AGBL4: variants seen among roughly 807,000 people sequenced by gnomAD.
The protein encoded by AGBL4 is cytosolic carboxypeptidase 6.
AGBL4 carries 58 observed loss-of-function variants against 66.4 expected under a neutral mutation model. The ratio of observed to expected loss-of-function variants is 0.87; its 90% CI spans 0.71 to 1.09. The LOEUF (loss-of-function observed/expected upper bound fraction) is 1.09. Ranked by LOEUF, AGBL4 falls within the 50% of genes least tolerant of loss-of-function variation. The pLI is 0.00. For missense variants in AGBL4, 579 were observed against 631.0 expected, an observed-to-expected ratio of 0.92 and a Z score of 0.88; for synonymous variants, 234 against 222.9, an observed-to-expected ratio of 1.05 and a Z score of -0.44.
chr1:49,661,089 A>C (rs953499369), intron 3 of AGBL4, among the ~76,000 whole-genome samples: 29 of 152,202 alleles, frequency 1.9e-4, no homozygotes, highest in African/African-American at 7.0e-4. Flanking sequence ...CATATCCTGC[A>C]CATGTACCCC....
At chr1:49,905,938 C>T (rs1047233821) in intron 1 of AGBL4, among the ~76,000 whole-genome samples, 4 of 152,026 alleles carry the variant, frequency 2.6e-5, no homozygotes, top group Admixed American at 2.6e-4. Flanking sequence ...TCCCTACTCT[C>T]TCCCTTAGTA....
intron 3 of AGBL4, among the ~76,000 whole-genome samples, chr1:49,609,516 C>A (rs1054033232): frequency 1.3e-5 from 2 of 152,080 alleles, no homozygotes; most frequent in African/African-American, 4.8e-5. Context: ...TATGGTACAA[C>A]AGAAAAAGAA....
chr1:48,966,541 T>A (rs1384572140), intron 5 of AGBL4, among the ~76,000 whole-genome samples: 1 of 152,120 alleles, frequency 6.6e-6, no homozygotes, highest in Non-Finnish European at 1.5e-5. Flanking sequence ...AGATTGGATT[T>A]CTCCAAAAGA....
In AGBL4 at chr1:49,249,150, G is replaced by A. The variant is rs141827431; in HGVS notation, c.283-3286C>T. ...GCCTTGATTCTGTCTTGTCATATAT[G>A]CAATACTTTTGTCCAATCATAAGTA... On this transcript the variant is annotated intron_variant, in intron 3 of 13. Coordinates refer to ENST00000371839, the MANE Select transcript of AGBL4 (RefSeq NM_032785.4). Among the ~76,000 whole-genome samples the A allele has an allele frequency of 4.9e-4, 75 of 152,254 alleles. 1 individual carries two copies. Among genetic ancestry groups the A allele is most frequent in the African/African-American group, 1.6e-3 (67 of 41,540 alleles).
intron 3 of AGBL4, among the ~76,000 whole-genome samples, chr1:49,560,940 C>T (rs891122606): frequency 3.3e-5 from 5 of 152,158 alleles, no homozygotes; most frequent in African/African-American, 7.2e-5. Context: ...ACACCAGACC[C>T]GTCCTAAAGG....
At chr1:49,335,142 T>C (rs988496621) in intron 3 of AGBL4, among the ~76,000 whole-genome samples, 5 of 152,172 alleles carry the variant, frequency 3.3e-5, no homozygotes, top group African/African-American at 1.2e-4. Context: ...AAAATCTGCT[T>C]CTCCCACAGC....
At chr1:48,956,541 AAG>A (rs1423230680) in intron 5 of AGBL4, among the ~76,000 whole-genome samples, 2 of 152,220 alleles carry the variant, frequency 1.3e-5, no homozygotes, top group African/African-American at 4.8e-5. Context: ...AGAAAAGTGG[AAG>A]AGAGACTGGG....
chr1:48,723,367 G>C (rs1353340947), intron 6 of AGBL4, among the ~76,000 whole-genome samples: 2 of 152,200 alleles, frequency 1.3e-5, no homozygotes, highest in African/African-American at 2.4e-5. Flanking sequence ...ATTCAAGCAT[G>C]GTTTGGAATG....
intron 3 of AGBL4, among the ~76,000 whole-genome samples, chr1:49,598,352 AC>A (rs1205989477): frequency 6.6e-6 from 1 of 151,858 alleles, no homozygotes; most frequent in Non-Finnish European, 1.5e-5. Flanking sequence ...GGTTTTATCT[AC>A]TTTTGGTCTT....
At chr1:48,633,681 C>T (rs1388819101) in intron 9 of AGBL4, among the ~76,000 whole-genome samples, 1 of 152,150 alleles carries the variant, frequency 6.6e-6, no homozygotes, top group Admixed American at 6.5e-5. Flanking sequence ...ATGGTCTGTC[C>T]CCCCATTCTG....
At chr1:49,595,486 CA>C (rs1644835107) in intron 3 of AGBL4, among the ~76,000 whole-genome samples, 2 of 143,582 alleles carry the variant, frequency 1.4e-5, no homozygotes, top group African/African-American at 4.9e-5. Flanking sequence ...TATTTGTCTA[CA>C]AAACACTTTT....
At chr1:48,832,229 T>G (rs1646569987) in intron 6 of AGBL4, among the ~76,000 whole-genome samples, 1 of 152,178 alleles carries the variant, frequency 6.6e-6, no homozygotes, top group African/African-American at 2.4e-5. Flanking sequence ...CTCCTGGAGC[T>G]GCATCCGCTC....
chr1:49,467,911 A>G (rs1279679775), intron 3 of AGBL4, among the ~76,000 whole-genome samples: 1 of 151,828 alleles, frequency 6.6e-6, no homozygotes, highest in Non-Finnish European at 1.5e-5. Flanking sequence ...CCTTCTAGGT[A>G]AGACATTTCA....
chr1:49,419,059 T>C (rs1027717064), intron 3 of AGBL4, among the ~76,000 whole-genome samples: 14 of 152,142 alleles, frequency 9.2e-5, no homozygotes, highest in Non-Finnish European at 1.9e-4. Flanking sequence ...AAATTTGAGA[T>C]GTAGTAGAAG....
intron 3 of AGBL4, among the ~76,000 whole-genome samples, chr1:49,483,467 T>TA (rs960726028): frequency 2.5e-4 from 38 of 151,694 alleles, no homozygotes; most frequent in Middle Eastern, 3.4e-3. Context: ...CACAGAAACA[T>TA]AAAAAAATTC....
chr1:49,823,748 A>G lies in AGBL4; in HGVS notation c.157+27648T>C, dbSNP rs370146608. 1.4e-3 allele frequency among the ~76,000 whole-genome samples: 209 copies of G among 150,494 alleles called. 1 individual carries two copies. The highest frequency in any genetic ancestry group is 4.8e-3 in the African/African-American group (196 of 40,846). ...ATGTTCACTTCTGCAATTTTTAAAG[A>G]AATTTCTATTCTTCCATTAAGGCTG... On this transcript the variant is annotated intron_variant, in intron 2 of 13. Transcript: ENST00000371839.
chr1:49,771,887 T>C (rs905835531), intron 2 of AGBL4, among the ~76,000 whole-genome samples: 8 of 152,088 alleles, frequency 5.3e-5, no homozygotes, highest in Admixed American at 2.0e-4. Context: ...ATGAGTCTTT[T>C]ATAGCAACAT....
intron 1 of AGBL4, among the ~76,000 whole-genome samples, chr1:49,872,481 T>G (rs2148114808): frequency 6.6e-6 from 1 of 152,220 alleles, no homozygotes; most frequent in Admixed American, 6.5e-5. Context: ...TCTTGTCCCT[T>G]ACAAGTTCCT....
chr1:49,456,019 A>G (rs1472255018), intron 3 of AGBL4, among the ~76,000 whole-genome samples: 2 of 151,726 alleles, frequency 1.3e-5, no homozygotes, highest in East Asian at 3.9e-4. Flanking sequence ...TACATCTCCA[A>G]CTTCCAAGAG....
Sources: allele counts gnomAD v4.1 joint callset (sites outside exome capture counted in the v4.1 genomes callset), GRCh38; gene constraint gnomAD v4.1.1; transcripts MANE v1.5; gene names NCBI Gene and HGNC (gene_info 2026-07-23, HGNC 2026-07-21).